Variants in GNAL observed in about 807,000 individuals in gnomAD.
GNAL encodes the protein G protein subunit alpha L.
In GNAL, 18 loss-of-function variants were observed where a neutral mutation model predicts 55.1. That is an observed-to-expected ratio of 0.33 (90% CI 0.23 to 0.48). The LOEUF is 0.48. GNAL is among the 20% of genes least tolerant of loss of function. The probability of loss-of-function intolerance (pLI) is 0.99; values close to 1 mark genes in which losing one functional copy is unlikely to be tolerated. For synonymous variants in GNAL, 253 were observed against 237.0 expected, an observed-to-expected ratio of 1.07 and a Z score of -0.62; for missense variants, 412 against 614.1, an observed-to-expected ratio of 0.67 and a Z score of 3.48.
chr18:11,753,800 A>G (rs192684515), intron 3 of GNAL, 26 bp from the exon 4 acceptor site: 7 of 1,577,456 alleles, frequency 4.4e-6, no homozygotes, highest in East Asian at 2.2e-5. Context: ...ATGTTTATCC[A>G]TATTTTTTTT....
At chr18:11,878,758 C>A (rs1029886262) in intron 11 of GNAL, among the ~76,000 whole-genome samples, 4 of 151,992 alleles carry the variant, frequency 2.6e-5, no homozygotes, top group African/African-American at 9.7e-5. Flanking sequence ...TATAGAGATA[C>A]AGCCTTGCTA....
chr18:11,705,009 A>G (rs138713051), intron 1 of GNAL, among the ~76,000 whole-genome samples: 2 of 152,266 alleles, frequency 1.3e-5, no homozygotes, highest in Non-Finnish European at 2.9e-5. Context: ...TTAAGTGTAC[A>G]ATACCGTACT....
chr18:11,715,295 TAA>T (rs1286220417), intron 1 of GNAL, among the ~76,000 whole-genome samples: 128 of 148,232 alleles, frequency 8.6e-4, no homozygotes, highest in African/African-American at 2.8e-3. Flanking sequence ...CTGTCTCTAC[TAA>T]AAAAATACAA....
chr18:11,795,798 T>C (rs1181058405), intron 4 of GNAL, among the ~76,000 whole-genome samples: 1 of 152,216 alleles, frequency 6.6e-6, no homozygotes, highest in Non-Finnish European at 1.5e-5. Context: ...AAGAGCTCCC[T>C]GTGTTGAAGG....
chr18:11,769,908 CA>C (rs954400089), intron 4 of GNAL, among the ~76,000 whole-genome samples: 9 of 152,234 alleles, frequency 5.9e-5, no homozygotes, highest in Non-Finnish European at 7.4e-5. Context: ...AAATGATGAA[CA>C]TTTTTTTAAA....
chr18:11,831,585 C>T (rs1250099614), intron 5 of GNAL, among the ~76,000 whole-genome samples: 2 of 152,224 alleles, frequency 1.3e-5, no homozygotes, highest in African/African-American at 4.8e-5. Flanking sequence ...GATCTGGAAG[C>T]TGGTATTGAG....
chr18:11,819,190 A>C (rs2035032317), intron 4 of GNAL, among the ~76,000 whole-genome samples: 1 of 152,238 alleles, frequency 6.6e-6, no homozygotes, highest in African/African-American at 2.4e-5. Flanking sequence ...TTATTCTTAC[A>C]CTTCTTATTG....
intron 4 of GNAL, chr18:11,810,602 G>A (rs1195667731): frequency 1.3e-5 from 2 of 152,304 alleles, no homozygotes; most frequent in African/African-American, 2.4e-5. Context: ...TGCAGGGAGG[G>A]GCTGTCCAGT....
chr18:11,824,898 G>C lies in GNAL; in HGVS notation c.625-20G>C. ...TATTACACTTTTTTTTTTTTAATTT[G>C]TAACTCTTTCAAACTTTAGGAATTC... On this transcript the variant is annotated intron_variant, in intron 4 of 11. Transcript: ENST00000334049. 1 of 1,305,636 alleles carries C rather than the reference G, an allele frequency of 7.7e-7. No individual in the cohort carries two copies. The highest frequency in any genetic ancestry group is 1.1e-6 in the Non-Finnish European group (1 of 924,836). 80.9% of individuals were successfully genotyped at this position (1,305,636 alleles called of 1,614,324 possible).
At chr18:11,753,035 C>A in intron 2 of GNAL, 110 bp downstream of exon 2, 2 of 603,020 alleles carry the variant, frequency 3.3e-6, no homozygotes, top group Admixed American at 2.7e-5. Context: ...ATGGAGTAGA[C>A]ATTCAAGGGG....
At chr18:11,808,165 G>A (rs1290111810) in intron 4 of GNAL, among the ~76,000 whole-genome samples, 1 of 152,044 alleles carries the variant, frequency 6.6e-6, no homozygotes, top group Non-Finnish European at 1.5e-5. Flanking sequence ...ACTCTGCAGG[G>A]AGTGGAAGGA....
At chr18:11,839,166 T>C (rs1453655429) in intron 5 of GNAL, among the ~76,000 whole-genome samples, 1 of 152,234 alleles carries the variant, frequency 6.6e-6, no homozygotes, top group Non-Finnish European at 1.5e-5. Flanking sequence ...TTTAATAAAC[T>C]TGTTACATGA....
chr18:11,762,636 C>G (rs1165507639), intron 4 of GNAL, among the ~76,000 whole-genome samples: 1 of 152,152 alleles, frequency 6.6e-6, no homozygotes, highest in Non-Finnish European at 1.5e-5. Context: ...GACCAAAAGC[C>G]CAGTCAGGCC....
At chr18:11,769,438 C>T (rs536037688) in intron 4 of GNAL, among the ~76,000 whole-genome samples, 1 of 151,852 alleles carries the variant, frequency 6.6e-6, no homozygotes, top group East Asian at 1.9e-4. Flanking sequence ...AAAATCAAGG[C>T]CACTCCTAGC....
chr18:11,719,903 G>A (rs2032055907), intron 1 of GNAL, among the ~76,000 whole-genome samples: 1 of 152,254 alleles, frequency 6.6e-6, no homozygotes, highest in African/African-American at 2.4e-5. Context: ...GCCAGCAATA[G>A]AGTGCAAGAG....
intron 2 of GNAL, 68 bp from the exon 3 acceptor site, chr18:11,753,560 T>C: frequency 9.9e-7 from 1 of 1,008,462 alleles, no homozygotes; most frequent in Admixed American, 1.7e-5. Context: ...AAATTTAAAA[T>C]CCCACTCAAT....
At chr18:11,804,188 A>G (rs1335413997) in intron 4 of GNAL, among the ~76,000 whole-genome samples, 1 of 127,672 alleles carries the variant, frequency 7.8e-6, no homozygotes, top group Admixed American at 7.9e-5. Flanking sequence ...GGTGAAGTAC[A>G]GGTGCGGTTT....
intron 4 of GNAL, among the ~76,000 whole-genome samples, chr18:11,813,255 A>AAAAAAAAAG (rs1555653287): frequency 0.016 from 5 of 320 alleles, no homozygotes; most frequent in African/African-American, 0.026. Context: ...ACTCCATCTT[A>AAAAAAAAAG]AAAAAAAGAA....
chr18:11,884,613 G>A lies in GNAL; in HGVS notation c.*3478G>A, dbSNP rs370057183. The stretch of plus-strand genomic sequence containing the variant: ...AGCACTTGGAGAGGGTGTAGTCTGT[G>A]GGCGTGATGCTACCCTGGAAAGGAG... On this transcript the variant is annotated 3_prime_UTR_variant, in exon 12 of 12. Coordinates refer to ENST00000334049, the MANE Select transcript of GNAL (RefSeq NM_182978.4). 1.7e-4 allele frequency: 273 copies of A among 1,613,560 alleles called. 3 individuals carry two copies. Among genetic ancestry groups the A allele is most frequent in the Non-Finnish European group, 1.0e-5 (12 of 1,179,968 alleles).
Sources: allele counts gnomAD v4.1 joint callset (sites outside exome capture counted in the v4.1 genomes callset), GRCh38; gene constraint gnomAD v4.1.1; transcripts MANE v1.5; gene names NCBI Gene and HGNC (gene_info 2026-07-23, HGNC 2026-07-21).